The following PRX variants were observed in gnomAD, a reference collection of about 807,000 sequenced individuals.
PRX encodes the protein periaxin.
A neutral mutation model predicts 29.6 loss-of-function variants in PRX; 24 were observed. The ratio of observed to expected loss-of-function variants is 0.81; its 90% CI spans 0.59 to 1.14. PRX has a LOEUF of 1.14. Among genes scored for constraint, PRX ranks in the 50% most tolerant of loss-of-function variants. The pLI, the probability that PRX is intolerant of heterozygous loss-of-function variation, is 0.00. For synonymous variants in PRX, 772 were observed against 831.7 expected, an observed-to-expected ratio of 0.93 and a Z score of 1.24; for missense variants, 1,838 against 1,926.4, an observed-to-expected ratio of 0.95 and a Z score of 0.86.
At position 40,407,975 on chromosome 19, in the gene PRX, C is replaced by T. The variant is rs1229269874; in HGVS notation, c.-43G>A. ...CCTGCACCCCAGGCTCCTGTGTCCT[C>T]TCCCCTTTCTGCTGCAGAACCAGCT... On this transcript the variant is annotated 5_prime_UTR_variant, in exon 4 of 7. Transcript: ENST00000324001. 6.2e-7 allele frequency: 1 copy of T among 1,613,164 alleles called. No individual in the cohort carries two copies. The highest frequency in any genetic ancestry group is 8.5e-7 in the Non-Finnish European group (1 of 1,179,960).
Position 40,394,578 on chromosome 19 carries a change from G to A in PRX, c.3774C>T (p.Gly1258=), listed in dbSNP as rs755235991. ...PTLGARARVG[G]EGAEEQPPGA... Reference sequence around the variant, plus strand: ...CTGGGGGCTGCTCCTCAGCACCCTCGCCCCCCACCCTAGCTCTGGCCCCCA... The same window carrying A: ...CTGGGGGCTGCTCCTCAGCACCCTCACCCCCCACCCTAGCTCTGGCCCCCA... Residue 1258 remains glycine, a synonymous_variant, in exon 7 of 7, where the codon GGC becomes GGT. Coordinates refer to ENST00000324001, the MANE Select transcript of PRX (RefSeq NM_181882.3). This position sits in a 1 kb window ranked among gnomAD's most constrained non-coding sequence, Gnocchi z 5.8. The A allele has an allele frequency of 8.7e-6, 14 of 1,608,364 alleles. No individual in the cohort carries two copies. The highest frequency in any genetic ancestry group is 1.1e-5 in the South Asian group (1 of 90,880).
chr19:40,399,855 C>CTTTCTTTCTT (rs2079476645), intron 5 of PRX, among the ~76,000 whole-genome samples: 2 of 85,708 alleles, frequency 2.3e-5, no homozygotes, highest in Admixed American at 2.4e-4. Flanking sequence ...TCTTTCCTTT[C>CTTTCTTTCTT]TTTCTTTCTT....
rs2145731181 is a variant in PRX at position 40,397,104 on chromosome 19, C to T, written c.1248G>A (p.Lys416=). 1 of 1,614,128 alleles carries T rather than the reference C, an allele frequency of 6.2e-7. No homozygotes were observed. Among genetic ancestry groups the T allele is most frequent in the Middle Eastern group, 1.6e-4 (1 of 6,062 alleles). The change falls in exon 7 of 7, where the codon AAG becomes AAA. Residue 416 remains lysine (K), a synonymous_variant. Coordinates refer to ENST00000324001, the MANE Select transcript of PRX (RefSeq NM_181882.3). ...AAPEVVESKL[K]LPTIKMPSLG... ...GGGAGGGCATCTTGATGGTGGGCAG[C>T]TTCAGCTTGCTCTCTACAACTTCAG...
In PRX at chr19:40,407,390, C is replaced by A. The variant is rs561777502; in HGVS notation, c.27+516G>T. 8 of 171,366 alleles carry A rather than the reference C, an allele frequency of 4.7e-5. No homozygotes were observed. The South Asian group carries it at 9.1e-4, about 20-fold the overall frequency. The allele number at this position is 171,366 out of a possible 1,614,324, so 10.6% of individuals were successfully genotyped here. On this transcript the variant is annotated intron_variant, in intron 4 of 6. Coordinates refer to ENST00000324001, the MANE Select transcript of PRX (RefSeq NM_181882.3). The stretch of plus-strand genomic sequence containing the variant: ...CAATCATATCTCACTGCAACCTCAA[C>A]CTCCTGGGTTCAGGTGATCCTCCCA...
chr19:40,403,851 C>T lies in PRX; in HGVS notation c.39G>A (p.Arg13=). ...CCACGATAATTTCCACCAACTCCGC[C>T]CGCCTCAGCTCCTGCAGAGGGCGGC... ...ARSRSAEELR[R]AELVEIIVET... The change falls in exon 5 of 7, where the codon CGG becomes CGA. Residue 13 remains arginine, a synonymous_variant. Coordinates refer to ENST00000324001, the MANE Select transcript of PRX (RefSeq NM_181882.3). 1.2e-6 allele frequency: 2 copies of T among 1,608,442 alleles called. No homozygotes were observed. Among genetic ancestry groups the T allele is most frequent in the Non-Finnish European group, 1.7e-6 (2 of 1,179,164 alleles).
Position 40,403,882 on chromosome 19 carries a change from G to A in PRX, c.28-20C>T, listed in dbSNP as rs757487813. 24 of 1,603,672 alleles carry A rather than the reference G, an allele frequency of 1.5e-5. No individual in the cohort carries two copies. The highest frequency in any genetic ancestry group is 5.0e-5 in the Admixed American group (3 of 59,546). On this transcript the variant is annotated intron_variant, in intron 4 of 6. Coordinates refer to ENST00000324001, the MANE Select transcript of PRX (RefSeq NM_181882.3). ...CAGCTCCTGCAGAGGGCGGCGAGGTGTCGCGTTGGGGCTCTAGGGCCGGAC... is the reference window on the plus strand; with the variant it reads ...CAGCTCCTGCAGAGGGCGGCGAGGTATCGCGTTGGGGCTCTAGGGCCGGAC...
At position 40,397,474 on chromosome 19, in the gene PRX, G is replaced by A; in HGVS notation, c.878C>T (p.Pro293Leu). ...VEAPAVGIQVPQVELPALPSL... is the reference protein window; with the variant it reads ...VEAPAVGIQVLQVELPALPSL... ...GGGCAAGGCAGGCAGCTCCACCTGGGGGACCTGGATTCCCACGGCTGGGGC... is the reference window on the plus strand; with the variant it reads ...GGGCAAGGCAGGCAGCTCCACCTGGAGGACCTGGATTCCCACGGCTGGGGC... Residue 293 changes from proline to leucine, a missense_variant, in exon 7 of 7, where the codon CCC becomes CTC. By Grantham distance (98) the Pro-to-Leu change is moderately conservative (BLOSUM62 -3). This residue lies in a region of PRX where 666 missense variants were observed against 665.0 expected (regional missense o/e 1.00). Coordinates refer to ENST00000324001, the MANE Select transcript of PRX (RefSeq NM_181882.3). 1 of 1,572,204 alleles carries A rather than the reference G, an allele frequency of 6.4e-7. No homozygotes were observed. Among genetic ancestry groups the A allele is most frequent in the South Asian group, 1.1e-5 (1 of 87,080 alleles).
rs2079428486 is a variant in PRX at position 40,395,777 on chromosome 19, G to T, written c.2575C>A (p.Leu859Ile). Reference sequence around the variant, plus strand: ...AGGCCAAGTGCTCCTGGCAGGTCTAGCTCCACTGAAGGCAGAGTGAGAGAG... The same window carrying T: ...AGGCCAAGTGCTCCTGGCAGGTCTATCTCCACTGAAGGCAGAGTGAGAGAG... ...VPSLTLPSVELDLPGALGLQG... is the reference protein window; with the variant it reads ...VPSLTLPSVEIDLPGALGLQG... Residue 859 changes from leucine to isoleucine, a missense_variant, in exon 7 of 7, where the codon CTA becomes ATA. Coordinates refer to ENST00000324001, the MANE Select transcript of PRX (RefSeq NM_181882.3). 6.2e-7 allele frequency: 1 copy of T among 1,613,976 alleles called. No individual in the cohort carries two copies. Among genetic ancestry groups the T allele is most frequent in the Non-Finnish European group, 8.5e-7 (1 of 1,180,030 alleles).
chr19:40,398,257 A>T lies in PRX; in HGVS notation c.382-287T>A. 7.1e-7 allele frequency: 1 copy of T among 1,413,400 alleles called. No individual in the cohort carries two copies. The highest frequency in any genetic ancestry group is 9.2e-7 in the Non-Finnish European group (1 of 1,088,288). The allele number at this position is 1,413,400 out of a possible 1,614,324, so 87.6% of individuals were successfully genotyped here. On this transcript the variant is annotated intron_variant, in intron 6 of 6. Coordinates refer to ENST00000324001, the MANE Select transcript of PRX (RefSeq NM_181882.3). This position sits in a 1 kb window ranked among gnomAD's most constrained non-coding sequence, Gnocchi z 6.3. Reference sequence around the variant, plus strand: ...CAACATCCTCATTCTAGAGATGGGGAAACTGAGGCCCAGGGAGAGAAACAA... The same window carrying T: ...CAACATCCTCATTCTAGAGATGGGGTAACTGAGGCCCAGGGAGAGAAACAA...
chr19:40,396,304 A>T lies in PRX; in HGVS notation c.2048T>A (p.Val683Glu). 1 of 1,611,634 alleles carries T rather than the reference A, an allele frequency of 6.2e-7. No homozygotes were observed. The highest frequency in any genetic ancestry group is 8.5e-7 in the Non-Finnish European group (1 of 1,179,788). The change falls in exon 7 of 7, where the codon GTG becomes GAG. Residue 683 changes from valine (V) to glutamate (E), a missense_variant. Val to Glu is a moderately radical substitution (Grantham distance 121, BLOSUM62 -2). This residue lies in a region of PRX where 1,143 missense variants were observed against 1,193.0 expected (regional missense o/e 0.96). Transcript: ENST00000324001. ...MAVPEVRLPE[V>E]QLPKVSEMKL... The stretch of plus-strand genomic sequence containing the variant: ...CATCTCTGAGACTTTTGGCAGCTGC[A>T]CCTCGGGGAGTCGAACCTCTGGCAC...
Position 40,395,723 on chromosome 19 carries a change from C to A in PRX, c.2629G>T (p.Gly877Cys), listed in dbSNP as rs1331076833. ...LQGQVPAAKM[G>C]KGERVEGPEV... is the part of the protein sequence containing the mutation. The stretch of plus-strand genomic sequence containing the variant: ...GGGCCCTCCACCCGCTCTCCCTTGC[C>A]CATTTTAGCGGCTGGGACCTGCCCC... The change falls in exon 7 of 7, where the codon GGC becomes TGC. Residue 877 changes from glycine to cysteine, a missense_variant. Gly to Cys is a radical substitution (Grantham distance 159). Around this residue, in one of 3 missense-constraint regions of PRX, gnomAD observed 1,143 missense variants for 1,193.0 expected, o/e 0.96. Coordinates refer to ENST00000324001, the MANE Select transcript of PRX (RefSeq NM_181882.3). 6.2e-7 allele frequency: 1 copy of A among 1,614,020 alleles called. No individual in the cohort carries two copies. Among genetic ancestry groups the A allele is most frequent in the Non-Finnish European group, 8.5e-7 (1 of 1,180,016 alleles).
rs117182727 is a variant in PRX, at chr19:40,398,983, G to A, written c.185-167C>T. Among the ~76,000 whole-genome samples the A allele has an allele frequency of 8.5e-3, 1,275 of 149,876 alleles. 10 individuals carry two copies. The highest frequency in any genetic ancestry group is 0.014 in the Non-Finnish European group (947 of 67,460). On this transcript the variant is annotated intron_variant, in intron 5 of 6. Transcript: ENST00000324001. The surrounding 1 kb of genome is among the most constrained non-coding windows in gnomAD (Gnocchi z 6.3). ...GCAGTTACGCTAGTCCCCGCCCCAT[G>A]ACCTTATCCCCGCCCCCTGCAATGA... is the stretch of plus-strand genomic sequence containing the variant.
In PRX at chr19:40,398,413, G is replaced by A; in HGVS notation, c.381+207C>T. 6.8e-7 allele frequency: 1 copy of A among 1,479,022 alleles called. No homozygotes were observed. Among genetic ancestry groups the A allele is most frequent in the South Asian group, 1.4e-5 (1 of 72,338 alleles). The allele number at this position is 1,479,022 out of a possible 1,614,324, so 91.6% of individuals were successfully genotyped here. On this transcript the variant is annotated intron_variant, in intron 6 of 6. Transcript: ENST00000324001. The surrounding 1 kb of genome is among the most constrained non-coding windows in gnomAD (Gnocchi z 6.3). ...GATGGTGGGGACGCCTCTCCGAGGT[G>A]GGTGAGGGCCCTGGGCTGGGGTGGG... is the stretch of plus-strand genomic sequence containing the variant.
At chr19:40,410,598 G>GC (rs1352098701) in intron 1 of PRX, among the ~76,000 whole-genome samples, 4 of 152,152 alleles carry the variant, frequency 2.6e-5, no homozygotes, top group African/African-American at 9.6e-5. Context: ...CACGGGCTGG[G>GC]CGCGTGGCTT....
rs113034080 is a variant in PRX at position 40,406,113 on chromosome 19, G to C, written c.27+1793C>G. On this transcript the variant is annotated intron_variant, in intron 4 of 6. Transcript: ENST00000324001. The stretch of plus-strand genomic sequence containing the variant: ...AGTCCTAAAATTAGCCAGGCGTGGT[G>C]GTGGGCGCCTGTAATCCCAGCTACT... 8.8e-3 allele frequency among the ~76,000 whole-genome samples: 1,331 copies of C among 151,984 alleles called. 11 individuals are homozygous for C. The highest frequency in any genetic ancestry group is 0.013 in the Non-Finnish European group (896 of 67,966).
Position 40,397,282 on chromosome 19 carries a change from ATCTTCAGGGCCACCTCAGGTGCC to A in PRX, c.1047_1069del (p.Glu349AspfsTer5). ...AAATCGGGGAAAACTAAGGCGGGGC[ATCTTCAGGGCCACCTCAGGTGCC>A]TCTCCCCGGGCCTCCACCTCTGCAC... On this transcript the variant is annotated frameshift_variant, in exon 7 of 7. Coordinates refer to ENST00000324001, the MANE Select transcript of PRX (RefSeq NM_181882.3). LOFTEE classifies it low-confidence loss of function (END_TRUNC). 6.2e-7 allele frequency: 1 copy of A among 1,613,520 alleles called. No individual in the cohort carries two copies. Among genetic ancestry groups the A allele is most frequent in the Admixed American group, 1.7e-5 (1 of 60,030 alleles).
intron 1 of PRX, among the ~76,000 whole-genome samples, chr19:40,408,668 A>G (rs779929743): frequency 6.6e-6 from 1 of 152,132 alleles, no homozygotes; most frequent in African/African-American, 2.4e-5. Flanking sequence ...GTCTAGCTCT[A>G]TTGCCCAGGC....
chr19:40,399,586 G>A (rs1266229694), intron 5 of PRX, among the ~76,000 whole-genome samples: 1 of 152,120 alleles, frequency 6.6e-6, no homozygotes, highest in Non-Finnish European at 1.5e-5. Flanking sequence ...AAACCACTCA[G>A]CATCTGATCT....
intron 5 of PRX, among the ~76,000 whole-genome samples, chr19:40,401,829 G>A (rs997019922): frequency 1.1e-4 from 16 of 150,026 alleles, no homozygotes; most frequent in East Asian, 9.8e-4. Flanking sequence ...GTGAAGTGGC[G>A]CGAACTCGGC....
Sources: gnomAD v4.1 joint callset for allele counts (sites outside exome capture counted in the v4.1 genomes callset) on GRCh38, gnomAD v4.1.1 for gene constraint, gnomAD v4.1.1 regional missense constraint, Gnocchi (gnomAD v3.1) non-coding constraint, MANE v1.5 for transcripts, NCBI Gene and HGNC (gene_info 2026-07-23, HGNC 2026-07-21) for gene names.